FIRRM: variants seen among roughly 807,000 people sequenced by gnomAD.
FIRRM encodes the protein FIGNL1-interacting regulator of recombination and mitosis.
At chr1:169,809,253 T>C in the FIRRM span, among the ~76,000 whole-genome samples, 1 of 152,200 alleles carries the variant, frequency 6.6e-6, no homozygotes, top group South Asian at 2.1e-4. Context: ...TTGTATCCCT[T>C]CTTCCTTTTT....
the FIRRM span, among the ~76,000 whole-genome samples, chr1:169,814,966 T>G: frequency 4.7e-5 from 7 of 150,124 alleles, no homozygotes; most frequent in South Asian, 1.0e-3. Context: ...AAAGTTTTGT[T>G]TTTTTTTTTG....
chr1:169,816,321 G>A, the FIRRM span, among the ~76,000 whole-genome samples: 1 of 152,110 alleles, frequency 6.6e-6, no homozygotes. Context: ...GAGATCACTG[G>A]TTGGTTCACA....
chr1:169,814,170 T>C, the FIRRM span, among the ~76,000 whole-genome samples: 2 of 152,212 alleles, frequency 1.3e-5, no homozygotes, highest in African/African-American at 2.4e-5. Flanking sequence ...GGTCAACTTA[T>C]GCAGACTTTT....
the FIRRM span, among the ~76,000 whole-genome samples, chr1:169,811,825 CTAAA>C: frequency 1.1e-3 from 146 of 137,896 alleles, 2 homozygotes; most frequent in African/African-American, 3.5e-3. Context: ...GATTATCTAT[CTAAA>C]TAGATAATAG....
At chr1:169,849,503 AG>A in the FIRRM span, 1 of 1,611,880 alleles carries the variant, frequency 6.2e-7, no homozygotes, top group Non-Finnish European at 8.5e-7. Flanking sequence ...CTTTTAGGAC[AG>A]AATTCTGCCC....
At chr1:169,813,250 G>A in the FIRRM span, among the ~76,000 whole-genome samples, 1 of 152,168 alleles carries the variant, frequency 6.6e-6, no homozygotes, top group African/African-American at 2.4e-5. Context: ...CAATAATCCT[G>A]TATTAGCCTC....
the FIRRM span, chr1:169,837,046 A>G: frequency 1.2e-6 from 2 of 1,612,794 alleles, no homozygotes; most frequent in South Asian, 2.2e-5. Context: ...AGGTCACCAC[A>G]GTAGGCACTG....
chr1:169,845,637 T>C, the FIRRM span, among the ~76,000 whole-genome samples: 1 of 152,140 alleles, frequency 6.6e-6, no homozygotes, highest in African/African-American at 2.4e-5. Context: ...CCAGGAGTAG[T>C]TATGTGTCAA....
the FIRRM span, chr1:169,804,080 T>C: frequency 9.6e-6 from 14 of 1,464,230 alleles, no homozygotes; most frequent in Non-Finnish European, 1.3e-5. Flanking sequence ...ATCAGAATAG[T>C]GAATCTGTGT....
At chr1:169,830,641 CCTT>C in the FIRRM span, 64 of 1,522,388 alleles carry the variant, frequency 4.2e-5, no homozygotes, top group Non-Finnish European at 5.5e-5. Flanking sequence ...AAGTTCATCT[CCTT>C]ATGTTTCTGA....
chr1:169,853,001 G>GCAGAACTGGGTTTGATGCTTT, the FIRRM span: 5 of 1,612,478 alleles, frequency 3.1e-6, no homozygotes, highest in Non-Finnish European at 4.2e-6. Context: ...TTATCACTAG[G>GCAGAACTGGGTTTGATGCTTT]CAGAACTGGG....
At chr1:169,815,163 G>A in the FIRRM span, among the ~76,000 whole-genome samples, 1 of 151,868 alleles carries the variant, frequency 6.6e-6, no homozygotes, top group South Asian at 2.1e-4. Context: ...GGGCACAGTG[G>A]TGGGTGCCTG....
chr1:169,853,430 C>T, the FIRRM span: 19 of 404,710 alleles, frequency 4.7e-5, no homozygotes, highest in East Asian at 2.9e-4. Context: ...GCAGTAAATT[C>T]GACCTCTCCT....
At chr1:169,805,740 A>T in the FIRRM span, among the ~76,000 whole-genome samples, 1 of 152,240 alleles carries the variant, frequency 6.6e-6, no homozygotes, top group African/African-American at 2.4e-5. Flanking sequence ...TACAACTTTT[A>T]TTCCACTGAA....
the FIRRM span, chr1:169,795,275 T>C: frequency 1.3e-6 from 2 of 1,506,694 alleles, no homozygotes; most frequent in Non-Finnish European, 1.8e-6. Context: ...CGAACCTTTC[T>C]CTTCTGTCCC....
chr1:169,796,792 C>T, the FIRRM span, among the ~76,000 whole-genome samples: 1 of 152,218 alleles, frequency 6.6e-6, no homozygotes, highest in African/African-American at 2.4e-5. Flanking sequence ...TAACTACACT[C>T]TGTTCATGAA....
the FIRRM span, among the ~76,000 whole-genome samples, chr1:169,831,743 A>G: frequency 1.3e-5 from 2 of 152,188 alleles, no homozygotes; most frequent in South Asian, 4.1e-4. Context: ...AATTTATAAA[A>G]TTTTTTTGTT....
the FIRRM span, among the ~76,000 whole-genome samples, chr1:169,836,055 T>C: frequency 1.5e-4 from 2 of 13,340 alleles, no homozygotes; most frequent in Non-Finnish European, 2.7e-4. Flanking sequence ...CAGATTTAAT[T>C]TTTTTTTTTT....
the FIRRM span, chr1:169,850,207 T>C: frequency 1.7e-6 from 2 of 1,161,054 alleles, no homozygotes; most frequent in Admixed American, 3.7e-5. Context: ...ACTCATCTAT[T>C]TGTCTTTGCA....
Sources: allele counts gnomAD v4.1 joint callset (sites outside exome capture counted in the v4.1 genomes callset), GRCh38; gene constraint gnomAD v4.1.1; transcripts MANE v1.5; gene names NCBI Gene and HGNC (gene_info 2026-07-23, HGNC 2026-07-21).